Variants in COLGALT2 observed in about 807,000 individuals in gnomAD.
COLGALT2 encodes collagen beta(1-O)galactosyltransferase 2, also known as procollagen galactosyltransferase 2.
COLGALT2 carries 49 observed loss-of-function variants against 73.4 expected under a neutral mutation model. That is an observed-to-expected ratio of 0.67 (90% CI 0.53 to 0.85). The LOEUF (loss-of-function observed/expected upper bound fraction) is 0.85, where lower values mean the gene tolerates loss of function less well. Among genes scored for constraint, COLGALT2 ranks in the 40% least tolerant of loss-of-function variants. The probability of loss-of-function intolerance (pLI) is 0.00; values close to 1 mark genes in which losing one functional copy is unlikely to be tolerated. For synonymous variants in COLGALT2, 295 were observed against 307.6 expected (o/e 0.96, Z 0.43); for missense variants, 722 against 790.2 (o/e 0.91, Z 1.03).
intron 1 of COLGALT2, among the ~76,000 whole-genome samples, chr1:184,014,584 A>G (rs12133150): frequency 0.25 from 38,271 of 152,102 alleles, 5,522 homozygotes; most frequent in East Asian, 0.45. Context: ...AAGTCCTTGA[A>G]GGCTGGCACT....
At chr1:183,940,856 C>T in intron 10 of COLGALT2, 69 bp from the exon 11 acceptor site, 4 of 1,339,330 alleles carry the variant, frequency 3.0e-6, no homozygotes, top group Non-Finnish European at 3.2e-6. Context: ...TGAAGCACAG[C>T]TTTGGTTTAC....
intron 5 of COLGALT2, among the ~76,000 whole-genome samples, chr1:183,968,188 C>T (rs1195116373): frequency 5.3e-5 from 8 of 152,136 alleles, no homozygotes; most frequent in Non-Finnish European, 8.8e-5. Context: ...GGTTTATGAA[C>T]GTATTTTTGC....
chr1:183,981,238 A>AT (rs1437174714), intron 1 of COLGALT2, among the ~76,000 whole-genome samples: 1 of 152,208 alleles, frequency 6.6e-6, no homozygotes, highest in Non-Finnish European at 1.5e-5. Flanking sequence ...TTTCATCAAA[A>AT]ATATATATGA....
rs193126243 is a variant in COLGALT2, at chr1:183,974,979, G to A, written c.492+118C>T. The A allele has an allele frequency of 1.3e-3, 888 of 676,658 alleles. 4 individuals are homozygous for A. In the African/African-American group the frequency reaches 0.014, roughly 11 times the overall value. The allele number at this position is 676,658 out of a possible 1,614,324, so 41.9% of individuals were successfully genotyped here. On this transcript the variant is annotated intron_variant, in intron 3 of 11. Coordinates refer to ENST00000361927, the MANE Select transcript of COLGALT2 (RefSeq NM_015101.4). ...CATTGTGCCTTTCTTAAAAAGTGGG[G>A]GAGGCACTGCCTAATCAAAAAGGTT...
In COLGALT2 at chr1:183,945,483, T is replaced by A; in HGVS notation, c.1218A>T (p.Leu406=). Residue 406 remains leucine, a synonymous_variant, in exon 9 of 12, where the codon CTA becomes CTT. Coordinates refer to ENST00000361927, the MANE Select transcript of COLGALT2 (RefSeq NM_015101.4). ...GYRDPYSSRP[L]TRGEIGCFLS... ...GAAAGCAGCCGATTTCACCCCTTGTTAGAGGCCTGGAGGAATAGGGATCTC... is the reference window on the plus strand; with the variant it reads ...GAAAGCAGCCGATTTCACCCCTTGTAAGAGGCCTGGAGGAATAGGGATCTC... The A allele has an allele frequency of 6.2e-7, 1 of 1,614,218 alleles. No homozygotes were observed. Among genetic ancestry groups the A allele is most frequent in the Non-Finnish European group, 8.5e-7 (1 of 1,180,034 alleles).
chr1:183,989,511 C>T (rs538064387), intron 1 of COLGALT2, among the ~76,000 whole-genome samples: 7 of 152,174 alleles, frequency 4.6e-5, no homozygotes, highest in African/African-American at 7.2e-5. Flanking sequence ...ACTGGCTGAA[C>T]TGCAGTGACA....
intron 1 of COLGALT2, among the ~76,000 whole-genome samples, chr1:183,993,745 TC>T (rs1191152490): frequency 6.6e-6 from 1 of 152,186 alleles, no homozygotes; most frequent in Non-Finnish European, 1.5e-5. Flanking sequence ...CCCCAGAATT[TC>T]CTAATTTTTC....
rs1276336550 is a variant in COLGALT2 at position 183,977,721 on chromosome 1, CG to C, written c.374+688del. Among the ~76,000 whole-genome samples the C allele has an allele frequency of 2.6e-5, 4 of 151,212 alleles. No homozygotes were observed. In the East Asian group the frequency reaches 7.8e-4, roughly 30 times the overall value. ...GGAGTATTGCCTGAACCCAGGAGTA[CG>C]AGGTTACAGTGGAGCTATGGTCATG... is the stretch of plus-strand genomic sequence containing the variant. On this transcript the variant is annotated intron_variant, in intron 2 of 11. Transcript: ENST00000361927.
At chr1:183,931,503 G>A (rs1669842918), downstream of COLGALT2, among the ~76,000 whole-genome samples, 1 of 152,162 alleles carries the variant, frequency 6.6e-6, no homozygotes, top group Non-Finnish European at 1.5e-5. Context: ...AGTCTCGGGT[G>A]TTCCCCGGGG....
In COLGALT2 at chr1:183,938,335, G is replaced by A. The variant is rs772253490; in HGVS notation, c.*426C>T. On this transcript the variant is annotated 3_prime_UTR_variant, in exon 12 of 12. Coordinates refer to ENST00000361927, the MANE Select transcript of COLGALT2 (RefSeq NM_015101.4). ...ACAAGTTTTCAATGTCATATAAAAC[G>A]GACAAACTAGACCAATAAGTGTGGT... is the stretch of plus-strand genomic sequence containing the variant. The A allele has an allele frequency of 1.6e-5, 16 of 997,448 alleles. No homozygotes were observed. The South Asian group carries it at 1.8e-4, about 11-fold the overall frequency. The allele number at this position is 997,448 out of a possible 1,614,324, so 61.8% of individuals were successfully genotyped here. A position where few individuals can be genotyped will look rare whatever the true frequency, so the allele number is the denominator to read the frequency against.
At position 183,935,947 on chromosome 1, in the gene COLGALT2, C is replaced by T; in HGVS notation, c.*2814G>A. On this transcript the variant is annotated 3_prime_UTR_variant, in exon 12 of 12. Transcript: ENST00000361927. The stretch of plus-strand genomic sequence containing the variant: ...CAGATGATGCAGGGGAACGGGTGTC[C>T]ACTCTTTCTTGTTCTCAGAGCTCCT... 1 of 985,438 alleles carries T rather than the reference C, an allele frequency of 1.0e-6. No homozygotes were observed. The highest frequency in any genetic ancestry group is 1.2e-6 in the Non-Finnish European group (1 of 829,960). 61.0% of individuals were successfully genotyped at this position (985,438 alleles called of 1,614,324 possible). A position where few individuals can be genotyped will look rare whatever the true frequency, so the allele number is the denominator to read the frequency against.
chr1:183,988,619 C>T (rs1671549795), intron 1 of COLGALT2, among the ~76,000 whole-genome samples: 1 of 152,186 alleles, frequency 6.6e-6, no homozygotes, highest in Admixed American at 6.5e-5. Flanking sequence ...CCTTCTTTCA[C>T]TTTGCATACT....
In COLGALT2 at chr1:183,951,152, C is replaced by T. The variant is rs371673028; in HGVS notation, c.1030-39G>A. On this transcript the variant is annotated intron_variant, in intron 7 of 11. Coordinates refer to ENST00000361927, the MANE Select transcript of COLGALT2 (RefSeq NM_015101.4). ...GAAAAGGGAAAAGACACATAAATTA[C>T]TCAAGTCTTCTTTTAGGCTGTTTGA... 59 of 1,420,942 alleles carry T rather than the reference C, an allele frequency of 4.2e-5. No individual in the cohort carries two copies. The Middle Eastern group carries it at 8.8e-4, about 21-fold the overall frequency. 88.0% of individuals were successfully genotyped at this position (1,420,942 alleles called of 1,614,324 possible).
chr1:183,950,554 T>A (rs1023496215), intron 8 of COLGALT2, among the ~76,000 whole-genome samples: 2 of 151,986 alleles, frequency 1.3e-5, no homozygotes, highest in Admixed American at 1.3e-4. Flanking sequence ...GTGGCCACTA[T>A]GATCGGTCCA....
At chr1:184,012,292 A>G (rs934735695) in intron 1 of COLGALT2, among the ~76,000 whole-genome samples, 2 of 152,244 alleles carry the variant, frequency 1.3e-5, no homozygotes, top group Non-Finnish European at 2.9e-5. Context: ...ACAAACACAG[A>G]AAAGAAACTA....
At position 183,997,597 on chromosome 1, in the gene COLGALT2, A is replaced by G. The variant is rs1203927100; in HGVS notation, c.264-19077T>C. 2.6e-5 allele frequency among the ~76,000 whole-genome samples: 4 copies of G among 152,306 alleles called. No homozygotes were observed. In the East Asian group the frequency reaches 7.7e-4, roughly 29 times the overall value. ...AAAAAAATTGCAAAAACAACCTCAT[A>G]ATGTTTCAAGAAAGTTTACAAATTT... On this transcript the variant is annotated intron_variant, in intron 1 of 11. Transcript: ENST00000361927.
At chr1:184,030,235 A>G (rs1649465098) in intron 1 of COLGALT2, among the ~76,000 whole-genome samples, 1 of 152,210 alleles carries the variant, frequency 6.6e-6, no homozygotes, top group Non-Finnish European at 1.5e-5. Context: ...ATTAAATGCA[A>G]TTAAATGAAC....
downstream of COLGALT2, among the ~76,000 whole-genome samples, chr1:183,931,509 C>CG (rs1194530113): frequency 6.6e-6 from 1 of 152,026 alleles, no homozygotes; most frequent in Non-Finnish European, 1.5e-5. Flanking sequence ...GGGTGTTCCC[C>CG]GGGGGTGCCT....
chr1:183,963,779 T>A, intron 6 of COLGALT2, 122 bp downstream of exon 6: 1 of 1,008,930 alleles, frequency 9.9e-7, no homozygotes, highest in Non-Finnish European at 1.4e-6. Context: ...TAAATAGCTA[T>A]GTATTCAGCC....
Sources: gnomAD v4.1 joint callset for allele counts (sites outside exome capture counted in the v4.1 genomes callset) on GRCh38, gnomAD v4.1.1 for gene constraint, MANE v1.5 for transcripts, NCBI Gene and HGNC (gene_info 2026-07-23, HGNC 2026-07-21) for gene names.